CD2AP: variants seen among roughly 807,000 people sequenced by gnomAD.
CD2AP encodes CD2-associated protein.
In CD2AP, 46 loss-of-function variants were observed where a neutral mutation model predicts 85.1. The ratio of observed to expected loss-of-function variants is 0.54; its 90% CI spans 0.43 to 0.69. CD2AP has a LOEUF of 0.69. Ranked by LOEUF, CD2AP falls within the 30% of genes least tolerant of loss-of-function variation. The pLI is 0.00. For missense variants in CD2AP, 769 were observed against 729.5 expected (o/e 1.05, Z -0.62); for synonymous variants, 255 against 252.9 (o/e 1.01, Z -0.08).
chr6:47,600,697 A>T (rs1027873543), intron 13 of CD2AP, among the ~76,000 whole-genome samples: 3 of 152,106 alleles, frequency 2.0e-5, no homozygotes, highest in South Asian at 2.1e-4. Context: ...GATAAACAGA[A>T]AAAGAATCCT....
At chr6:47,538,729 T>G (rs1321923952) in intron 3 of CD2AP, among the ~76,000 whole-genome samples, 1 of 152,208 alleles carries the variant, frequency 6.6e-6, no homozygotes, top group Non-Finnish European at 1.5e-5. Context: ...TTGTAGCATT[T>G]GATGGAAACA....
intron 2 of CD2AP, among the ~76,000 whole-genome samples, chr6:47,505,080 G>C (rs1166068449): frequency 7.4e-6 from 1 of 135,136 alleles, no homozygotes; most frequent in African/African-American, 2.7e-5. Flanking sequence ...TCTCACAGAG[G>C]GGGATTTGGC....
At chr6:47,565,923 C>T (rs1767981153) in intron 5 of CD2AP, among the ~76,000 whole-genome samples, 1 of 152,048 alleles carries the variant, frequency 6.6e-6, no homozygotes, top group South Asian at 2.1e-4. Flanking sequence ...GCTACAAATC[C>T]CTCTATGATC....
chr6:47,567,734 A>T (rs182182687), intron 5 of CD2AP, among the ~76,000 whole-genome samples: 37 of 152,328 alleles, frequency 2.4e-4, no homozygotes, highest in Middle Eastern at 6.8e-3. Flanking sequence ...CCTGAAAGAG[A>T]TTTAATTCAG....
rs965375879 is a variant in CD2AP, at chr6:47,555,367, A to G, written c.541+601A>G. On this transcript the variant is annotated intron_variant, in intron 5 of 17. Transcript: ENST00000359314. ...TTAGGAGAGTTTTTTTTGTTTTCCAAAAGAGGTCTTGAATTTACAAGTGGA... is the reference window on the plus strand; with the variant it reads ...TTAGGAGAGTTTTTTTTGTTTTCCAGAAGAGGTCTTGAATTTACAAGTGGA... Among the ~76,000 whole-genome samples the G allele has an allele frequency of 3.3e-5, 5 of 152,114 alleles. No individual in the cohort carries two copies. In the South Asian group the frequency reaches 1.0e-3, roughly 32 times the overall value.
Position 47,619,555 on chromosome 6 carries a change from A to G in CD2AP, c.1879-4631A>G, listed in dbSNP as rs536697611. 2.7e-3 allele frequency among the ~76,000 whole-genome samples: 382 copies of G among 139,962 alleles called. 1 individual carries two copies. The highest frequency in any genetic ancestry group is 9.6e-3 in the African/African-American group (353 of 36,962). 91.8% of individuals were successfully genotyped at this position (139,962 alleles called of 152,430 possible). A position where few individuals can be genotyped will look rare whatever the true frequency, so the allele number is the denominator to read the frequency against. ...TGTGTGCAAGTATCTTTTTCGAATA[A>G]TGACTTCTTTTCCTCTGGGTAGATA... On this transcript the variant is annotated intron_variant, in intron 17 of 17. Transcript: ENST00000359314.
chr6:47,543,148 C>CAAAAAAAAAAAAAAAAAAA (rs11338409), intron 3 of CD2AP, among the ~76,000 whole-genome samples: 5 of 60,332 alleles, frequency 8.3e-5, no homozygotes, highest in Admixed American at 2.4e-4. Flanking sequence ...AAGACTGTCT[C>CAAAAAAAAAAAAAAAAAAA]AAAAAAAAAA....
intron 2 of CD2AP, among the ~76,000 whole-genome samples, chr6:47,511,073 CAAAAAAAAAAAAAAAAAAA>C (rs70999630): frequency 1.9e-5 from 1 of 51,880 alleles, no homozygotes; most frequent in Non-Finnish European, 3.0e-5. Flanking sequence ...CTCTGTGTCT[CAAAAAAAAAAAAAAAAAAA>C]AAAAAAAAGG....
At chr6:47,555,919 C>T (rs1241051735) in intron 5 of CD2AP, among the ~76,000 whole-genome samples, 1 of 151,214 alleles carries the variant, frequency 6.6e-6, no homozygotes, top group Non-Finnish European at 1.5e-5. Flanking sequence ...TTTCTTTTAT[C>T]AGTACTTTCA....
At chr6:47,595,451 T>G (rs1768914622) in intron 11 of CD2AP, among the ~76,000 whole-genome samples, 1 of 151,998 alleles carries the variant, frequency 6.6e-6, no homozygotes, top group Admixed American at 6.6e-5. Context: ...GACTTGAGTT[T>G]CTACTTGTTT....
intron 4 of CD2AP, among the ~76,000 whole-genome samples, chr6:47,552,686 G>T (rs940999104): frequency 2.6e-5 from 4 of 152,122 alleles, no homozygotes; most frequent in Non-Finnish European, 4.4e-5. Context: ...GCCAGTTGGG[G>T]TTCCAGGTAT....
At chr6:47,555,721 G>C (rs769873567) in intron 5 of CD2AP, among the ~76,000 whole-genome samples, 2 of 151,944 alleles carry the variant, frequency 1.3e-5, no homozygotes, top group East Asian at 3.8e-4. Flanking sequence ...TCATACTAAG[G>C]TGTTAGTCTT....
chr6:47,588,887 C>T (rs1479822554), intron 11 of CD2AP, among the ~76,000 whole-genome samples: 1 of 152,058 alleles, frequency 6.6e-6, no homozygotes, highest in East Asian at 1.9e-4. Context: ...CACTTTTGAG[C>T]ACATTTACCT....
In CD2AP at chr6:47,609,193, A is replaced by G; in HGVS notation, c.1703A>G (p.Glu568Gly). ...ANTTAFLTPL[E>G]IKAKVETDDV... ...ACAACTGCTTTCCTGACTCCATTAG[A>G]AATCAAAGCTAAAGTGGAAACAGAT... The change falls in exon 16 of 18, where the codon GAA becomes GGA. Residue 568 changes from glutamate (E) to glycine (G), a missense_variant. Transcript: ENST00000359314. 1 of 1,613,522 alleles carries G rather than the reference A, an allele frequency of 6.2e-7. No homozygotes were observed. Among genetic ancestry groups the G allele is most frequent in the Non-Finnish European group, 8.5e-7 (1 of 1,179,602 alleles).
Position 47,609,241 on chromosome 6 carries a change from A to G in CD2AP, c.1751A>G (p.Asp584Gly). The change falls in exon 16 of 18, where the codon GAT (aspartate) becomes GGT (glycine). Residue 584 changes from aspartate to glycine, a missense_variant. Coordinates refer to ENST00000359314, the MANE Select transcript of CD2AP (RefSeq NM_012120.3). ...ETDDVKKNSL[D>G]ELRAQIIELL... The stretch of plus-strand genomic sequence containing the variant: ...GATGATGTGAAAAAAAATTCCCTGG[A>G]TGAACTTAGAGCCCAGATTATTGAA... 1 of 1,613,734 alleles carries G rather than the reference A, an allele frequency of 6.2e-7. No homozygotes were observed. Among genetic ancestry groups the G allele is most frequent in the African/African-American group, 1.3e-5 (1 of 75,032 alleles).
intron 2 of CD2AP, among the ~76,000 whole-genome samples, chr6:47,505,173 C>T (rs1383991208): frequency 7.0e-6 from 1 of 142,990 alleles, no homozygotes; most frequent in Non-Finnish European, 1.5e-5. Flanking sequence ...GAGGACCCTG[C>T]GGCCTTCCGC....
At chr6:47,610,060 T>C (rs1769388430) in intron 16 of CD2AP, among the ~76,000 whole-genome samples, 1 of 152,148 alleles carries the variant, frequency 6.6e-6, no homozygotes, top group Non-Finnish European at 1.5e-5. Context: ...TTTTTTGATA[T>C]GGTATATGTT....
In CD2AP at chr6:47,584,558, A is replaced by G. The variant is rs866156264; in HGVS notation, c.1108+2493A>G. ...AACTGACCCCCCGATTACATTTTTG[A>G]TATCATCTTCCACCCTTTTTGTTTA... On this transcript the variant is annotated intron_variant, in intron 11 of 17. Coordinates refer to ENST00000359314, the MANE Select transcript of CD2AP (RefSeq NM_012120.3). 4.6e-5 allele frequency among the ~76,000 whole-genome samples: 7 copies of G among 151,994 alleles called. No homozygotes were observed. In the South Asian group the frequency reaches 1.5e-3, roughly 32 times the overall value.
intron 5 of CD2AP, among the ~76,000 whole-genome samples, chr6:47,566,760 C>T (rs1768014112): frequency 6.6e-6 from 1 of 152,252 alleles, no homozygotes; most frequent in Middle Eastern, 3.4e-3. Flanking sequence ...TGATGGCTTC[C>T]AGCGTCATCC....
Sources: gnomAD v4.1 joint callset for allele counts (sites outside exome capture counted in the v4.1 genomes callset) on GRCh38, gnomAD v4.1.1 for gene constraint, MANE v1.5 for transcripts, NCBI Gene and HGNC (gene_info 2026-07-23, HGNC 2026-07-21) for gene names.